Variants in DNAH6 observed in about 807,000 individuals in gnomAD.
DNAH6 encodes the protein dynein axonemal heavy chain 6.
In DNAH6, 340 loss-of-function variants were observed where a neutral mutation model predicts 491.4. That is an observed-to-expected ratio of 0.69 (90% confidence interval 0.63 to 0.76). The LOEUF (loss-of-function observed/expected upper bound fraction) is 0.76. Among genes scored for constraint, DNAH6 ranks in the 30% least tolerant of loss-of-function variants. DNAH6 has a pLI of 0.00. For missense variants in DNAH6, 4,443 were observed against 4,972.2 expected, an observed-to-expected ratio of 0.89 and a Z score of 3.20; for synonymous variants, 1,603 against 1,686.1, an observed-to-expected ratio of 0.95 and a Z score of 1.21.
chr2:84,702,540 A>G (rs1311788781), intron 49 of DNAH6, among the ~76,000 whole-genome samples: 2 of 145,800 alleles, frequency 1.4e-5, no homozygotes, highest in Non-Finnish European at 3.0e-5. Flanking sequence ...CATTTGAACC[A>G]GCTTTTTTTT....
rs776806210 is a variant in DNAH6, at chr2:84,624,266, G to A, written c.4073G>A (p.Arg1358Lys). 1 of 1,542,736 alleles carries A rather than the reference G, an allele frequency of 6.5e-7. No homozygotes were observed. Reference protein sequence around the residue: ...LKNFEKVNFERLNALAAIVQG... With the variant: ...LKNFEKVNFEKLNALAAIVQG... ...CATGACAATTTTTTTTATTTGTAGAGATTAAATGCCCTAGCTGCAATAGTT... is the reference window on the plus strand; with the variant it reads ...CATGACAATTTTTTTTATTTGTAGAAATTAAATGCCCTAGCTGCAATAGTT... The change falls in exon 27 of 77, where the codon AGA becomes AAA. Residue 1358 changes from arginine to lysine, a missense_variant and splice_region_variant. By Grantham distance (26) the Arg-to-Lys change is conservative. This residue lies in a region of DNAH6 where 2,977 missense variants were observed against 3,296.6 expected (regional missense o/e 0.90). Transcript: ENST00000389394.
Position 84,670,489 on chromosome 2 carries a change from T to C in DNAH6, c.6454+14T>C. 6.8e-7 allele frequency: 1 copy of C among 1,474,202 alleles called. No homozygotes were observed. The highest frequency in any genetic ancestry group is 9.2e-7 in the Non-Finnish European group (1 of 1,090,820). 91.3% of individuals were successfully genotyped at this position (1,474,202 alleles called of 1,614,324 possible). A position where few individuals can be genotyped will look rare whatever the true frequency, so the allele number is the denominator to read the frequency against. On this transcript the variant is annotated intron_variant, in intron 39 of 76. Coordinates refer to ENST00000389394, the MANE Select transcript of DNAH6 (RefSeq NM_001370.2). ...AAAATATTCTAGGTAAGAATCATTA[T>C]TTTAGTTTGTCCCACACAAATTATT...
the DNAH6 span, among the ~76,000 whole-genome samples, chr2:84,475,569 T>G: frequency 1.3e-5 from 2 of 152,340 alleles, no homozygotes; most frequent in East Asian, 3.9e-4. Flanking sequence ...GCATATTCTT[T>G]TCTACTCTTA....
chr2:84,619,637 A>C (rs751610593), intron 23 of DNAH6, 48 bp from the exon 24 acceptor site: 28 of 1,488,986 alleles, frequency 1.9e-5, no homozygotes, highest in Non-Finnish European at 2.2e-5. Flanking sequence ...TCTGTCTAAG[A>C]CTTTACTTCC....
chr2:84,624,565 C>T lies in DNAH6; in HGVS notation c.4298C>T (p.Thr1433Ile). 1 of 1,551,616 alleles carries T rather than the reference C, an allele frequency of 6.4e-7. No individual in the cohort carries two copies. The highest frequency in any genetic ancestry group is 1.4e-5 in the African/African-American group (1 of 73,160). Residue 1433 changes from threonine to isoleucine, a missense_variant, in exon 28 of 77, where the codon ACT becomes ATT. This residue lies in a region of DNAH6 where 2,977 missense variants were observed against 3,296.6 expected (regional missense o/e 0.90). Coordinates refer to ENST00000389394, the MANE Select transcript of DNAH6 (RefSeq NM_001370.2). ...CVARMALSQYTYGYEYLGACP... is the reference protein window; with the variant it reads ...CVARMALSQYIYGYEYLGACP... ...GCTAGAATGGCGCTCTCTCAGTACA[C>T]TTATGGCTATGAATATTTGGGTGCA...
intron 18 of DNAH6, among the ~76,000 whole-genome samples, chr2:84,596,854 A>G (rs1160305149): frequency 6.6e-6 from 1 of 152,172 alleles, no homozygotes; most frequent in Non-Finnish European, 1.5e-5. Flanking sequence ...GTGTGATTAC[A>G]TCATATAATT....
chr2:84,808,718 C>CATTT (rs1392801503), intron 72 of DNAH6, among the ~76,000 whole-genome samples, 176 bp downstream of exon 72: 4 of 152,146 alleles, frequency 2.6e-5, no homozygotes, highest in Non-Finnish European at 4.4e-5. Flanking sequence ...TCTGTATTCC[C>CATTT]ATTTTCTAAT....
chr2:84,578,895 A>G (rs1330793819), intron 13 of DNAH6, among the ~76,000 whole-genome samples: 1 of 152,060 alleles, frequency 6.6e-6, no homozygotes, highest in Non-Finnish European at 1.5e-5. Flanking sequence ...GGTTTTATAA[A>G]TCGTGGTTTT....
At chr2:84,636,167 C>A (rs1171584668) in intron 30 of DNAH6, among the ~76,000 whole-genome samples, 3 of 152,184 alleles carry the variant, frequency 2.0e-5, no homozygotes, top group South Asian at 4.1e-4. Flanking sequence ...TGCTTCCCCC[C>A]AAACATGGGA....
chr2:84,467,958 TTTTTC>T, the DNAH6 span, among the ~76,000 whole-genome samples: 32 of 152,160 alleles, frequency 2.1e-4, no homozygotes, highest in Non-Finnish European at 4.1e-4. Flanking sequence ...AGACTAAATG[TTTTTC>T]TTTTATCAAT....
At chr2:84,745,272 G>A in intron 63 of DNAH6, 23 bp downstream of exon 63, 1 of 1,430,400 alleles carries the variant, frequency 7.0e-7, no homozygotes, top group Non-Finnish European at 9.3e-7. Context: ...TTTAATTAAA[G>A]GACTGTGTTA....
At chr2:84,465,148 C>T in the DNAH6 span, among the ~76,000 whole-genome samples, 26 of 152,212 alleles carry the variant, frequency 1.7e-4, no homozygotes, top group African/African-American at 5.5e-4. Flanking sequence ...CCATTCATAA[C>T]GCTTGAGTTT....
At chr2:84,646,784 G>A (rs1224934475) in intron 33 of DNAH6, among the ~76,000 whole-genome samples, 1 of 152,168 alleles carries the variant, frequency 6.6e-6, no homozygotes, top group Non-Finnish European at 1.5e-5. Flanking sequence ...CTGAATTGCT[G>A]CAATCTCATA....
At chr2:84,508,783 T>C in the DNAH6 span, among the ~76,000 whole-genome samples, 4 of 152,244 alleles carry the variant, frequency 2.6e-5, no homozygotes, top group African/African-American at 9.6e-5. Context: ...TTCTCGTTGG[T>C]TTCAAACAAC....
chr2:84,558,939 CA>C (rs1680357714), intron 11 of DNAH6, among the ~76,000 whole-genome samples: 2 of 152,148 alleles, frequency 1.3e-5, no homozygotes, highest in African/African-American at 4.8e-5. Flanking sequence ...CTGTAATTTT[CA>C]AACCTAAAAT....
At chr2:84,632,458 A>C (rs1688498906) in intron 29 of DNAH6, among the ~76,000 whole-genome samples, 1 of 152,220 alleles carries the variant, frequency 6.6e-6, no homozygotes, top group Non-Finnish European at 1.5e-5. Flanking sequence ...ATGACCACAG[A>C]CATGTTCTCA....
At chr2:84,546,906 T>C (rs539774405) in intron 5 of DNAH6, among the ~76,000 whole-genome samples, 1 of 152,348 alleles carries the variant, frequency 6.6e-6, no homozygotes, top group Non-Finnish European at 1.5e-5. Flanking sequence ...AATTAATAGA[T>C]GGGCCTTTCC....
rs1475582440 is a variant in DNAH6, at chr2:84,713,178, T to C, written c.9462T>C (p.Leu3154=). The change falls in exon 57 of 77, where the codon CTT becomes CTC. Residue 3154 remains leucine, a synonymous_variant. Transcript: ENST00000389394. Reference sequence around the variant, plus strand: ...GTGGTGGCCGACTACTCATCCGTCTTGGAGACTCAGACATTGATTATGACA... The same window carrying C: ...GTGGTGGCCGACTACTCATCCGTCTCGGAGACTCAGACATTGATTATGACA... ...FISGGRLLIR[L]GDSDIDYDKN... The C allele has an allele frequency of 6.4e-6, 10 of 1,551,812 alleles. No individual in the cohort carries two copies. The East Asian group carries it at 2.4e-4, about 38-fold the overall frequency.
Position 84,553,417 on chromosome 2 carries a change from CTTTCTTTCTTTCTTTCTTTT to C in DNAH6, c.1602+385_1602+404del, listed in dbSNP as rs1473550499. On this transcript the variant is annotated intron_variant, in intron 10 of 76. Transcript: ENST00000389394. ...TCTTTCTTTCTTTCTTTCTTTCTTTCTTTCTTTCTTTCTTTCTTTTTCTCTTTCTCTCTCTCTTTCTTTCT... is the reference window on the plus strand; with the variant it reads ...TCTTTCTTTCTTTCTTTCTTTCTTTCTCTCTTTCTCTCTCTCTTTCTTTCT... 7.7e-5 allele frequency among the ~76,000 whole-genome samples: 10 copies of C among 129,578 alleles called. No individual in the cohort carries two copies. The East Asian group carries it at 1.8e-3, about 23-fold the overall frequency. The allele number at this position is 129,578 out of a possible 152,430, so 85.0% of individuals were successfully genotyped here.
Sources: allele counts gnomAD v4.1 joint callset (sites outside exome capture counted in the v4.1 genomes callset), GRCh38; gene constraint gnomAD v4.1.1; regional missense constraint gnomAD v4.1.1; transcripts MANE v1.5; gene names NCBI Gene and HGNC (gene_info 2026-07-23, HGNC 2026-07-21).